ADCY8: variants seen among roughly 807,000 people sequenced by gnomAD.
ADCY8 encodes adenylate cyclase type 8.
In ADCY8, 51 loss-of-function variants were observed where a neutral mutation model predicts 119.7. That is an observed-to-expected ratio of 0.43 (90% CI 0.34 to 0.54). The LOEUF (loss-of-function observed/expected upper bound fraction) is 0.54, where lower values mean the gene tolerates loss of function less well. Among genes scored for constraint, ADCY8 ranks in the 20% least tolerant of loss-of-function variants. The probability of loss-of-function intolerance (pLI) is 0.03; values close to 1 mark genes in which losing one functional copy is unlikely to be tolerated. For missense variants in ADCY8, 1,383 were observed against 1,598.8 expected, an observed-to-expected ratio of 0.87 and a Z score of 2.30; for synonymous variants, 665 against 651.0, an observed-to-expected ratio of 1.02 and a Z score of -0.33.
chr8:130,943,290 T>G, intron 4 of ADCY8, 61 bp downstream of exon 4: 1 of 1,208,388 alleles, frequency 8.3e-7, no homozygotes, highest in East Asian at 2.4e-5. Context: ...TTCTCTTTCC[T>G]TATTCCATAT....
chr8:130,951,994 C>T lies in ADCY8; in HGVS notation c.1115G>A (p.Arg372Gln), dbSNP rs138524416. ...RLETENQRQERLVLSVLPRFV... is the reference protein window; with the variant it reads ...RLETENQRQEQLVLSVLPRFV... ...CCGGGGGAGCACAGAAAGCACGAGCCGCTCCTGGAACAAATGAAGAGGGAC... is the reference window on the plus strand; with the variant it reads ...CCGGGGGAGCACAGAAAGCACGAGCTGCTCCTGGAACAAATGAAGAGGGAC... The change falls in exon 3 of 18, where the codon CGG (arginine) becomes CAG (glutamine). Residue 372 changes from arginine to glutamine, a missense_variant. Physicochemically the swap from Arg to Gln is conservative, Grantham distance 43. This residue lies in a region of ADCY8 where 928 missense variants were observed against 1,163.5 expected (regional missense o/e 0.80). Coordinates refer to ENST00000286355, the MANE Select transcript of ADCY8 (RefSeq NM_001115.3). The T allele has an allele frequency of 7.4e-6, 12 of 1,613,776 alleles. No homozygotes were observed. The highest frequency in any genetic ancestry group is 2.2e-5 in the East Asian group (1 of 44,892).
chr8:130,798,741 T>C (rs1279978822), intron 15 of ADCY8, among the ~76,000 whole-genome samples: 2 of 152,146 alleles, frequency 1.3e-5, no homozygotes, highest in Non-Finnish European at 2.9e-5. Flanking sequence ...GCAGCATTGA[T>C]GGTGAGAAAA....
chr8:130,856,149 G>A (rs1246288776), intron 9 of ADCY8, among the ~76,000 whole-genome samples: 1 of 151,854 alleles, frequency 6.6e-6, no homozygotes, highest in African/African-American at 2.4e-5. Context: ...CCTCTGGGAA[G>A]CCTGCCCCAG....
intron 16 of ADCY8, among the ~76,000 whole-genome samples, chr8:130,785,067 G>A (rs989667557): frequency 7.9e-5 from 12 of 152,294 alleles, no homozygotes; most frequent in African/African-American, 2.9e-4. Flanking sequence ...GGAAAAAAGA[G>A]GCTAGTATTA....
chr8:130,884,626 A>G lies in ADCY8; in HGVS notation c.2047T>C (p.Leu683=), dbSNP rs771687399. Residue 683 remains leucine, a synonymous_variant, in exon 8 of 18, where the codon TTG becomes CTG. Transcript: ENST00000286355. The stretch of plus-strand genomic sequence containing the variant: ...AATGGCTTGATATGCTCTCTTCTCA[A>G]TTTATCGCCACTCCGCAAGTCGATG... ...HTIDLRSGDK[L]RREHIKPFSL... 2.5e-6 allele frequency: 4 copies of G among 1,613,800 alleles called. No homozygotes were observed. In the East Asian group the frequency reaches 8.9e-5, roughly 36 times the overall value.
At chr8:130,898,122 G>A (rs528661664) in intron 7 of ADCY8, among the ~76,000 whole-genome samples, 1 of 152,284 alleles carries the variant, frequency 6.6e-6, no homozygotes, top group East Asian at 1.9e-4. Context: ...AAAGCATGGG[G>A]CTTTTTGAGT....
At chr8:130,980,250 C>T (rs879062962) in intron 2 of ADCY8, among the ~76,000 whole-genome samples, 1 of 152,154 alleles carries the variant, frequency 6.6e-6, no homozygotes, top group East Asian at 1.9e-4. Context: ...GTGATTGCAT[C>T]TTGAATAAAT....
At chr8:131,038,152 T>G (rs1824221959) in intron 1 of ADCY8, among the ~76,000 whole-genome samples, 1 of 152,148 alleles carries the variant, frequency 6.6e-6, no homozygotes, top group African/African-American at 2.4e-5. Flanking sequence ...CAGTGATGGG[T>G]GAAGCACTCT....
intron 5 of ADCY8, among the ~76,000 whole-genome samples, chr8:130,925,444 C>T (rs751908476): frequency 3.9e-5 from 6 of 152,178 alleles, no homozygotes; most frequent in Non-Finnish European, 7.4e-5. Context: ...ATCTTATTAT[C>T]CTCATTTTGC....
chr8:130,795,942 C>A (rs767496986), intron 15 of ADCY8, among the ~76,000 whole-genome samples: 7 of 152,206 alleles, frequency 4.6e-5, no homozygotes, highest in Non-Finnish European at 1.0e-4. Context: ...AGCCTTGGAT[C>A]ATGACTGATC....
intron 3 of ADCY8, among the ~76,000 whole-genome samples, chr8:130,949,234 G>A (rs1000706125): frequency 6.6e-6 from 1 of 152,070 alleles, no homozygotes; most frequent in Admixed American, 6.5e-5. Flanking sequence ...TGCAGAAAGC[G>A]AGCCGCCGAA....
At chr8:131,031,344 C>T (rs922625386) in intron 1 of ADCY8, among the ~76,000 whole-genome samples, 1 of 152,184 alleles carries the variant, frequency 6.6e-6, no homozygotes, top group African/African-American at 2.4e-5. Flanking sequence ...GTCTTAATTC[C>T]ATTCCACAGG....
Position 131,039,552 on chromosome 8 carries a change from C to T in ADCY8, c.782G>A (p.Gly261Asp), listed in dbSNP as rs1459296259. 1 of 1,613,762 alleles carries T rather than the reference C, an allele frequency of 6.2e-7. No homozygotes were observed. Among genetic ancestry groups the T allele is most frequent in the Non-Finnish European group, 8.5e-7 (1 of 1,180,016 alleles). ...VAMTTQILAA[G>D]LGYGLLGDGI... ...GTCGCCCAGGAGCCCGTAGCCGAGG[C>T]CTGCTGCCAGGATCTGGGTGGTCAT... is the stretch of plus-strand genomic sequence containing the variant. The change falls in exon 1 of 18, where the codon GGC (glycine) becomes GAC (aspartate). Residue 261 changes from glycine (G) to aspartate (D), a missense_variant. Transcript: ENST00000286355.
intron 1 of ADCY8, among the ~76,000 whole-genome samples, chr8:130,993,403 A>AT (rs1685334375): frequency 6.6e-6 from 1 of 152,196 alleles, no homozygotes; most frequent in African/African-American, 2.4e-5. Context: ...TACCAAACAG[A>AT]TTAAAAAGTC....
intron 4 of ADCY8, among the ~76,000 whole-genome samples, chr8:130,942,348 A>C (rs1288534467): frequency 6.6e-6 from 1 of 152,196 alleles, no homozygotes; most frequent in Non-Finnish European, 1.5e-5. Context: ...TCTCATCTAA[A>C]GGTCATGTGT....
intron 1 of ADCY8, among the ~76,000 whole-genome samples, chr8:131,000,555 A>G (rs1357777250): frequency 6.6e-6 from 1 of 152,202 alleles, no homozygotes; most frequent in African/African-American, 2.4e-5. Context: ...TAGACACTAT[A>G]ACATGAGCAT....
chr8:130,913,737 G>A (rs967548632), intron 5 of ADCY8, among the ~76,000 whole-genome samples: 1 of 152,172 alleles, frequency 6.6e-6, no homozygotes, highest in Non-Finnish European at 1.5e-5. Context: ...TTTAAGCACT[G>A]AGATTTTAGG....
intron 9 of ADCY8, among the ~76,000 whole-genome samples, chr8:130,852,689 T>C (rs1817572755): frequency 6.6e-6 from 1 of 151,912 alleles, no homozygotes; most frequent in South Asian, 2.1e-4. Context: ...CCACATGGCA[T>C]ACAGGGCCTT....
chr8:131,008,581 G>A (rs4389912), intron 1 of ADCY8, among the ~76,000 whole-genome samples: 80,682 of 151,936 alleles, frequency 0.53, 22,316 homozygotes, highest in East Asian at 0.72. Flanking sequence ...CCCAGTCTTG[G>A]GTATTTCTTC....
Sources: gnomAD v4.1 joint callset for allele counts (sites outside exome capture counted in the v4.1 genomes callset) on GRCh38, gnomAD v4.1.1 for gene constraint, gnomAD v4.1.1 regional missense constraint, MANE v1.5 for transcripts, NCBI Gene and HGNC (gene_info 2026-07-23, HGNC 2026-07-21) for gene names.